TOGARAM2: variants seen among roughly 807,000 people sequenced by gnomAD.
TOGARAM2 encodes TOG array regulator of axonemal microtubules protein 2.
TOGARAM2 carries 85 observed loss-of-function variants against 93.3 expected under a neutral mutation model. That is an observed-to-expected ratio of 0.91 (90% CI 0.76 to 1.09). The LOEUF (loss-of-function observed/expected upper bound fraction) is 1.09, where lower values mean the gene tolerates loss of function less well. Ranked by LOEUF, TOGARAM2 falls within the 50% of genes least tolerant of loss-of-function variation. TOGARAM2 has a pLI of 0.00. For missense variants in TOGARAM2, 1,277 were observed against 1,334.5 expected, an observed-to-expected ratio of 0.96 and a Z score of 0.67; for synonymous variants, 593 against 552.8, an observed-to-expected ratio of 1.07 and a Z score of -1.02.
chr2:28,983,198 A>ATTTTTT (rs57949744), intron 1 of TOGARAM2, among the ~76,000 whole-genome samples: 2 of 56,624 alleles, frequency 3.5e-5, no homozygotes, highest in African/African-American at 1.7e-4. Flanking sequence ...ATATATATAT[A>ATTTTTT]TTTTTTTTTT....
In TOGARAM2 at chr2:29,035,602, G is replaced by T. The variant is rs368164964; in HGVS notation, c.2364G>T (p.Gln788His). ...GGTCCCGGATGGAAGGCGTGGGGCA[G>T]CTCCTGGAGCTCTGCAAGGCCAAGA... ...DFRSRMEGVG[Q>H]LLELCKAKTE... The change falls in exon 17 of 20, where the codon CAG becomes CAT. Residue 788 changes from glutamine to histidine, a missense_variant. By Grantham distance (24) the Gln-to-His change is conservative (BLOSUM62 0). Coordinates refer to ENST00000379558, the MANE Select transcript of TOGARAM2 (RefSeq NM_199280.4). 4.1e-5 allele frequency: 64 copies of T among 1,576,654 alleles called. No homozygotes were observed. The highest frequency in any genetic ancestry group is 1.7e-4 in the Middle Eastern group (1 of 5,934).
intron 1 of TOGARAM2, among the ~76,000 whole-genome samples, chr2:28,965,254 TG>T (rs1192597026): frequency 6.6e-6 from 1 of 152,252 alleles, no homozygotes; most frequent in East Asian, 1.9e-4. Flanking sequence ...AGTATTTTCA[TG>T]TAGTTTAGTT....
At chr2:28,988,549 A>G (rs2148252091) in intron 1 of TOGARAM2, among the ~76,000 whole-genome samples, 1 of 151,484 alleles carries the variant, frequency 6.6e-6, no homozygotes, top group Non-Finnish European at 1.5e-5. Context: ...TTTCCTTCTG[A>G]CTCTTTCTCC....
chr2:28,985,210 C>T (rs1233903441), intron 1 of TOGARAM2, among the ~76,000 whole-genome samples: 2 of 152,146 alleles, frequency 1.3e-5, no homozygotes, highest in Non-Finnish European at 2.9e-5. Flanking sequence ...GTCTCTCTCT[C>T]TGCCATGTGA....
intron 1 of TOGARAM2, among the ~76,000 whole-genome samples, chr2:28,976,186 T>G (rs13388668): frequency 6.6e-6 from 1 of 151,832 alleles, no homozygotes; most frequent in Non-Finnish European, 1.5e-5. Context: ...CTGGCTAACA[T>G]GGTGAAACCC....
chr2:28,974,929 C>A (rs1050547958), intron 1 of TOGARAM2, among the ~76,000 whole-genome samples: 6 of 151,950 alleles, frequency 3.9e-5, no homozygotes, highest in African/African-American at 1.2e-4. Flanking sequence ...CTGTGCCCGG[C>A]CTTGTTCATT....
At chr2:29,016,794 C>T (rs1175915670) in intron 8 of TOGARAM2, among the ~76,000 whole-genome samples, 1 of 152,190 alleles carries the variant, frequency 6.6e-6, no homozygotes, top group African/African-American at 2.4e-5. Flanking sequence ...AGAGCTTTTG[C>T]ACTCACTCCC....
rs140225001 is a variant in TOGARAM2 at position 29,033,246 on chromosome 2, C to G, written c.2130+195C>G. On this transcript the variant is annotated intron_variant, in intron 15 of 19. Coordinates refer to ENST00000379558, the MANE Select transcript of TOGARAM2 (RefSeq NM_199280.4). ...ACACCTGGTTCTAACCTCACACTAC[C>G]CATGTTCCTTGAGCCTCCCTGGGCC... 2.1e-3 allele frequency among the ~76,000 whole-genome samples: 327 copies of G among 152,284 alleles called. 1 individual carries two copies. Among genetic ancestry groups the G allele is most frequent in the Middle Eastern group, 6.8e-3 (2 of 294 alleles).
Position 28,999,224 on chromosome 2 carries a change from A to C in TOGARAM2, c.183A>C (p.Glu61Asp). Residue 61 changes from glutamate (E) to aspartate (D), a missense_variant, in exon 4 of 20, where the codon GAA (glutamate) becomes GAC (aspartate). By Grantham distance (45) the Glu-to-Asp change is conservative (BLOSUM62 2). Coordinates refer to ENST00000379558, the MANE Select transcript of TOGARAM2 (RefSeq NM_199280.4). ...CAAGAGCCCTGCTGAACAACGAGGA[A>C]CCGTCACAGCTCCTGCGTGGACTCG... ...PEPRALLNNEEPSQLLRGLGQ... is the reference protein window; with the variant it reads ...PEPRALLNNEDPSQLLRGLGQ... 32 of 1,613,812 alleles carry C rather than the reference A, an allele frequency of 2.0e-5. No individual in the cohort carries two copies. The highest frequency in any genetic ancestry group is 2.7e-5 in the Non-Finnish European group (32 of 1,179,830).
In TOGARAM2 at chr2:29,052,036, A is replaced by C. The variant is rs1258956685; in HGVS notation, c.3003A>C (p.Arg1001Ser). The change falls in exon 20 of 20, where the codon AGA becomes AGC. Residue 1001 changes from arginine to serine, a missense_variant. Arg to Ser is a moderately radical substitution (Grantham distance 110). Coordinates refer to ENST00000379558, the MANE Select transcript of TOGARAM2 (RefSeq NM_199280.4). The part of the protein sequence containing the change: ...SLGGSRKATD[R>S]GVAPDSKTTG... ...GAGGCAGCCGCAAGGCCACTGACAG[A>C]GGGGTGGCCCCTGACAGCAAGACAA... is the stretch of plus-strand genomic sequence containing the variant. 1 of 1,609,798 alleles carries C rather than the reference A, an allele frequency of 6.2e-7. No individual in the cohort carries two copies. The highest frequency in any genetic ancestry group is 1.3e-5 in the African/African-American group (1 of 74,870).
chr2:28,988,050 A>G (rs1672547159), intron 1 of TOGARAM2, among the ~76,000 whole-genome samples: 1 of 152,182 alleles, frequency 6.6e-6, no homozygotes, highest in Non-Finnish European at 1.5e-5. Context: ...CCCCAAGCTA[A>G]TAAAGATGGA....
chr2:29,037,705 T>C (rs1176323468), intron 18 of TOGARAM2, among the ~76,000 whole-genome samples: 1 of 152,196 alleles, frequency 6.6e-6, no homozygotes, highest in Non-Finnish European at 1.5e-5. Flanking sequence ...CAGGTCCCTC[T>C]CTGCCTCTTG....
At chr2:29,011,314 A>G in intron 6 of TOGARAM2, 141 bp from the exon 7 acceptor site, 1 of 662,768 alleles carries the variant, frequency 1.5e-6, no homozygotes, top group Non-Finnish European at 2.5e-6. Context: ...CTGGGCCAAG[A>G]GCCTCTGCAG....
intron 13 of TOGARAM2, 99 bp downstream of exon 13, chr2:29,024,473 A>T (rs2148351393): frequency 2.5e-6 from 1 of 398,224 alleles, no homozygotes; most frequent in Non-Finnish European, 5.1e-6. Flanking sequence ...GGGTGCAGGG[A>T]GGGAGGGAGG....
At chr2:29,027,071 G>A in intron 14 of TOGARAM2, 60 bp downstream of exon 14, 1 of 1,454,802 alleles carries the variant, frequency 6.9e-7, no homozygotes. Context: ...GCCCTGAGGG[G>A]CCTGGGGCAC....
At chr2:29,015,131 C>G (rs34547125) in intron 8 of TOGARAM2, among the ~76,000 whole-genome samples, 1 of 152,168 alleles carries the variant, frequency 6.6e-6, no homozygotes, top group Non-Finnish European at 1.5e-5. Context: ...ACAGAACATT[C>G]CAGGTCAAGA....
chr2:29,003,361 G>C, intron 5 of TOGARAM2, 131 bp from the exon 6 acceptor site: 1 of 672,726 alleles, frequency 1.5e-6, no homozygotes, highest in Non-Finnish European at 2.3e-6. Context: ...AAGCAGTCAG[G>C]CTTCTGGGGG....
At chr2:28,985,188 A>G (rs969567606) in intron 1 of TOGARAM2, among the ~76,000 whole-genome samples, 5 of 152,092 alleles carry the variant, frequency 3.3e-5, no homozygotes, top group Admixed American at 6.5e-5. Flanking sequence ...GAGACCAGAG[A>G]GCTTGCTCTC....
At chr2:28,967,249 AG>A (rs1671879174) in intron 1 of TOGARAM2, among the ~76,000 whole-genome samples, 1 of 152,162 alleles carries the variant, frequency 6.6e-6, no homozygotes, top group Admixed American at 6.5e-5. Context: ...CCAAAACAGG[AG>A]GATTTCTTGA....
Sources: allele counts gnomAD v4.1 joint callset (sites outside exome capture counted in the v4.1 genomes callset), GRCh38; gene constraint gnomAD v4.1.1; transcripts MANE v1.5; gene names NCBI Gene and HGNC (gene_info 2026-07-23, HGNC 2026-07-21).